AGPS: variants seen among roughly 807,000 people sequenced by gnomAD.
The protein encoded by AGPS is alkylglycerone phosphate synthase, also known as alkyldihydroxyacetonephosphate synthase, peroxisomal.
AGPS carries 26 observed loss-of-function variants against 90.7 expected under a neutral mutation model. The observed-to-expected ratio is 0.29, with a 90% CI of 0.21 to 0.40. The LOEUF (loss-of-function observed/expected upper bound fraction) is 0.40, where lower values mean the gene tolerates loss of function less well. AGPS is among the 10% of genes least tolerant of loss of function. The pLI is 1.00. For synonymous variants in AGPS, 294 were observed against 285.3 expected, an observed-to-expected ratio of 1.03 and a Z score of -0.31; for missense variants, 540 against 816.1, an observed-to-expected ratio of 0.66 and a Z score of 4.12.
chr2:177,543,354 T>G lies in AGPS; in HGVS notation c.*5159T>G, dbSNP rs536424736. 4.6e-5 allele frequency: 7 copies of G among 152,348 alleles called. No homozygotes were observed. Among genetic ancestry groups the G allele is most frequent in the Middle Eastern group, 3.4e-3 (1 of 294 alleles). 9.4% of individuals were successfully genotyped at this position (152,348 alleles called of 1,614,324 possible). ...TGTTCTGGACAATGATTAAATCTTA[T>G]GAGAAATATATGTAGGTTATATTAA... On this transcript the variant is annotated 3_prime_UTR_variant, in exon 20 of 20. Coordinates refer to ENST00000264167, the MANE Select transcript of AGPS (RefSeq NM_003659.4).
At chr2:177,440,705 C>T (rs1686577139) in intron 5 of AGPS, among the ~76,000 whole-genome samples, 1 of 152,032 alleles carries the variant, frequency 6.6e-6, no homozygotes, top group Non-Finnish European at 1.5e-5. Context: ...TGGACTGTAG[C>T]TACATAAGAT....
intron 1 of AGPS, among the ~76,000 whole-genome samples, chr2:177,399,140 G>A (rs911205069): frequency 6.6e-6 from 1 of 152,180 alleles, no homozygotes; most frequent in Non-Finnish European, 1.5e-5. Flanking sequence ...TAAGTGATCT[G>A]TTTTTAGGCT....
At chr2:177,480,087 G>T (rs961884578) in intron 10 of AGPS, among the ~76,000 whole-genome samples, 8 of 152,254 alleles carry the variant, frequency 5.3e-5, no homozygotes, top group Admixed American at 3.3e-4. Context: ...GCTGAGGCAG[G>T]AGAATTTACT....
At chr2:177,504,449 A>T (rs1028609870) in intron 14 of AGPS, among the ~76,000 whole-genome samples, 1 of 151,800 alleles carries the variant, frequency 6.6e-6, no homozygotes, top group Non-Finnish European at 1.5e-5. Flanking sequence ...AGTCCCCTTC[A>T]TTTTTTTTAT....
At position 177,429,569 on chromosome 2, in the gene AGPS, G is replaced by A. The variant is rs141374813; in HGVS notation, c.351-4758G>A. Among the ~76,000 whole-genome samples the A allele has an allele frequency of 3.5e-3, 535 of 152,060 alleles. 4 individuals carry two copies. Among genetic ancestry groups the A allele is most frequent in the African/African-American group, 0.013 (519 of 41,480 alleles). On this transcript the variant is annotated intron_variant, in intron 2 of 19. Coordinates refer to ENST00000264167, the MANE Select transcript of AGPS (RefSeq NM_003659.4). ...TTTTCTTTTAACAGGCCACTTTTTC[G>A]TAGGGCTGCTGTGGTTTGTTTGGGG...
intron 7 of AGPS, among the ~76,000 whole-genome samples, chr2:177,443,775 G>GAATA (rs1686684210): frequency 6.6e-6 from 1 of 152,188 alleles, no homozygotes; most frequent in Admixed American, 6.5e-5. Flanking sequence ...GATAGCTGAA[G>GAATA]AATAGCCTGT....
chr2:177,468,479 A>G lies in AGPS; in HGVS notation c.1060A>G (p.Met354Val), dbSNP rs1488857032. The change falls in exon 10 of 20, where the codon ATG becomes GTG. Residue 354 changes from methionine (M) to valine (V), a missense_variant. Coordinates refer to ENST00000264167, the MANE Select transcript of AGPS (RefSeq NM_003659.4). The stretch of plus-strand genomic sequence containing the variant: ...AGAAAAAAGCTGTCAAGGACCTCGT[A>G]TGTCAACAGGCCCTGATATCCATCA... ...IIEKSCQGPR[M>V]STGPDIHHFI... 6.2e-6 allele frequency: 10 copies of G among 1,612,780 alleles called. No homozygotes were observed. The highest frequency in any genetic ancestry group is 8.5e-6 in the Non-Finnish European group (10 of 1,179,224).
intron 15 of AGPS, among the ~76,000 whole-genome samples, chr2:177,507,730 C>T (rs555540315): frequency 9.6e-4 from 146 of 152,356 alleles, no homozygotes; most frequent in African/African-American, 3.4e-3. Context: ...TGCCCTGAGT[C>T]AGGCACTCTG....
At chr2:177,455,830 A>G (rs1298299040) in intron 8 of AGPS, among the ~76,000 whole-genome samples, 2 of 151,904 alleles carry the variant, frequency 1.3e-5, no homozygotes, top group East Asian at 1.9e-4. Flanking sequence ...CTATAATATA[A>G]GCACCATAAT....
chr2:177,506,558 G>C (rs922526226), intron 15 of AGPS, among the ~76,000 whole-genome samples: 15 of 151,778 alleles, frequency 9.9e-5, no homozygotes, highest in Non-Finnish European at 1.8e-4. Context: ...TCTAAAAAAG[G>C]CTGAATTAAT....
Position 177,541,345 on chromosome 2 carries a change from C to G in AGPS, c.*3150C>G, listed in dbSNP as rs1001483783. On this transcript the variant is annotated 3_prime_UTR_variant, in exon 20 of 20. Coordinates refer to ENST00000264167, the MANE Select transcript of AGPS (RefSeq NM_003659.4). The stretch of plus-strand genomic sequence containing the variant: ...TTTCCTTTGTCATATTCCTTTATAG[C>G]TACAACTTAACTGTAGCTTATCAGA... 6.6e-6 allele frequency: 1 copy of G among 152,142 alleles called. No individual in the cohort carries two copies. The highest frequency in any genetic ancestry group is 6.6e-5 in the Admixed American group (1 of 15,250). 9.4% of individuals were successfully genotyped at this position (152,142 alleles called of 1,614,324 possible).
Position 177,525,651 on chromosome 2 carries a change from A to T in AGPS, c.1855+1846A>T, listed in dbSNP as rs543019979. Among the ~76,000 whole-genome samples, 3 of 152,338 alleles carry T rather than the reference A, an allele frequency of 2.0e-5. No individual in the cohort carries two copies. In the South Asian group the frequency reaches 6.2e-4, roughly 32 times the overall value. On this transcript the variant is annotated intron_variant, in intron 19 of 19. Transcript: ENST00000264167. ...CTTAATTGTCTTTAGGTAATTGGTT[A>T]TTAGATGAGCTGTTTCCTTAATTGT...
chr2:177,538,291 G>A lies in AGPS; in HGVS notation c.*96G>A. 10 of 1,313,012 alleles carry A rather than the reference G, an allele frequency of 7.6e-6. No individual in the cohort carries two copies. The highest frequency in any genetic ancestry group is 1.1e-5 in the Non-Finnish European group (10 of 927,986). 81.3% of individuals were successfully genotyped at this position (1,313,012 alleles called of 1,614,324 possible). A position where few individuals can be genotyped will look rare whatever the true frequency, so the allele number is the denominator to read the frequency against. Reference sequence around the variant, plus strand: ...CAAATATATCATGGACTATATTTTGGATACATTTGTTTCTTTGGTTTAAAA... The same window carrying A: ...CAAATATATCATGGACTATATTTTGAATACATTTGTTTCTTTGGTTTAAAA... On this transcript the variant is annotated 3_prime_UTR_variant, in exon 20 of 20. Coordinates refer to ENST00000264167, the MANE Select transcript of AGPS (RefSeq NM_003659.4).
intron 9 of AGPS, among the ~76,000 whole-genome samples, chr2:177,462,417 A>G (rs1287793591): frequency 1.3e-5 from 2 of 151,494 alleles, no homozygotes; most frequent in African/African-American, 2.4e-5. Flanking sequence ...AAAAAAGAAA[A>G]AGAGTTGGAT....
intron 10 of AGPS, among the ~76,000 whole-genome samples, chr2:177,472,540 G>A (rs562264852): frequency 6.6e-6 from 1 of 152,116 alleles, no homozygotes; most frequent in East Asian, 1.9e-4. Context: ...TGGTTTTAGG[G>A]TGGAGACTTT....
At chr2:177,439,546 A>G (rs1686532592) in intron 5 of AGPS, among the ~76,000 whole-genome samples, 1 of 152,222 alleles carries the variant, frequency 6.6e-6, no homozygotes, top group South Asian at 2.1e-4. Context: ...TATAAGTTTA[A>G]TCCAAAAGCT....
chr2:177,425,456 A>G (rs1055908606), intron 2 of AGPS, among the ~76,000 whole-genome samples: 11 of 151,898 alleles, frequency 7.2e-5, no homozygotes, highest in African/African-American at 2.7e-4. Flanking sequence ...CCCTGTCTCT[A>G]CTAAAAATAC....
chr2:177,515,311 T>C (rs1688990691), intron 17 of AGPS, among the ~76,000 whole-genome samples: 1 of 152,146 alleles, frequency 6.6e-6, no homozygotes, highest in Admixed American at 6.5e-5. Flanking sequence ...TCTCTTTTAT[T>C]GTAATCCTGA....
chr2:177,458,597 C>T (rs1173750392), intron 8 of AGPS, among the ~76,000 whole-genome samples: 4 of 152,042 alleles, frequency 2.6e-5, no homozygotes, highest in African/African-American at 9.7e-5. Context: ...GAATAAAATA[C>T]CTAGGAATCC....
Sources: allele counts gnomAD v4.1 joint callset (sites outside exome capture counted in the v4.1 genomes callset), GRCh38; gene constraint gnomAD v4.1.1; transcripts MANE v1.5; gene names NCBI Gene and HGNC (gene_info 2026-07-23, HGNC 2026-07-21).